Variants in PLEKHG1 observed in about 807,000 individuals in gnomAD.
PLEKHG1 encodes pleckstrin homology and RhoGEF domain containing G1, also known as pleckstrin homology domain-containing family G member 1.
PLEKHG1 carries 44 observed loss-of-function variants against 100.8 expected under a neutral mutation model. That is an observed-to-expected ratio of 0.44 (90% CI 0.34 to 0.56). The LOEUF (loss-of-function observed/expected upper bound fraction) is 0.56, where lower values mean the gene tolerates loss of function less well. PLEKHG1 is among the 20% of genes least tolerant of loss of function. The pLI, the probability that PLEKHG1 is intolerant of heterozygous loss-of-function variation, is 0.01. For missense variants in PLEKHG1, 1,545 were observed against 1,720.9 expected, an observed-to-expected ratio of 0.90 and a Z score of 1.81; for synonymous variants, 640 against 662.5, an observed-to-expected ratio of 0.97 and a Z score of 0.52.
chr6:150,807,261 G>A (rs1787177369), intron 7 of PLEKHG1, among the ~76,000 whole-genome samples: 1 of 152,194 alleles, frequency 6.6e-6, no homozygotes, highest in Non-Finnish European at 1.5e-5. Context: ...ACTATCCCCA[G>A]TTCCGGTAAT....
At chr6:150,704,876 G>A (rs1363230912) in intron 3 of PLEKHG1, among the ~76,000 whole-genome samples, 1 of 152,244 alleles carries the variant, frequency 6.6e-6, no homozygotes, top group African/African-American at 2.4e-5. Flanking sequence ...CCTTCTGGCT[G>A]TATTCTCACA....
At chr6:150,725,293 C>G (rs147619392) in intron 1 of PLEKHG1, among the ~76,000 whole-genome samples, 55 of 152,266 alleles carry the variant, frequency 3.6e-4, no homozygotes, top group African/African-American at 1.3e-3. Flanking sequence ...CAACAGCCCC[C>G]CCTCCTAATA....
intron 3 of PLEKHG1, among the ~76,000 whole-genome samples, chr6:150,690,467 T>C (rs1050456360): frequency 1.3e-5 from 2 of 152,194 alleles, no homozygotes; most frequent in Admixed American, 6.5e-5. Context: ...AAACGGAACA[T>C]AGAGGTTTAT....
At chr6:150,696,601 C>G (rs1780554348) in intron 3 of PLEKHG1, among the ~76,000 whole-genome samples, 1 of 152,112 alleles carries the variant, frequency 6.6e-6, no homozygotes, top group Non-Finnish European at 1.5e-5. Flanking sequence ...AACAGCAGCT[C>G]CATGCAAACT....
exon 13 of PLEKHG1, chr6:150,821,218 G>C: frequency 1.2e-6 from 2 of 1,612,626 alleles, no homozygotes; most frequent in Non-Finnish European, 1.7e-6. Flanking sequence ...GTCACATAAA[G>C]TTTTGAAGAC....
chr6:150,686,759 C>T (rs1364190214), intron 3 of PLEKHG1: 1 of 152,370 alleles, frequency 6.6e-6, no homozygotes, highest in Non-Finnish European at 1.5e-5. Context: ...GGAGGAACTG[C>T]CCGGACCTGT....
chr6:150,744,691 T>A (rs1046742693), intron 2 of PLEKHG1, among the ~76,000 whole-genome samples: 1 of 152,194 alleles, frequency 6.6e-6, no homozygotes, highest in African/African-American at 2.4e-5. Context: ...ATGATAATTA[T>A]GAATGTGGTG....
At chr6:150,696,596 C>G (rs1453319674) in intron 3 of PLEKHG1, among the ~76,000 whole-genome samples, 1 of 152,136 alleles carries the variant, frequency 6.6e-6, no homozygotes, top group Non-Finnish European at 1.5e-5. Flanking sequence ...ATAACAACAG[C>G]AGCTCCATGC....
At position 150,733,581 on chromosome 6, in the gene PLEKHG1, T is replaced by C. The variant is rs75508900; in HGVS notation, c.-98-3T>C. 61 of 1,606,574 alleles carry C rather than the reference T, an allele frequency of 3.8e-5. No individual in the cohort carries two copies. Among genetic ancestry groups the C allele is most frequent in the Non-Finnish European group, 5.1e-5 (60 of 1,176,430 alleles). Reference sequence around the variant, plus strand: ...TCCTTTTTATTTTCTTTAATGCATATAGATGGGCACCAGTTGCGTCTTGAA... The same window carrying C: ...TCCTTTTTATTTTCTTTAATGCATACAGATGGGCACCAGTTGCGTCTTGAA... On this transcript the variant is annotated splice_region_variant and splice_polypyrimidine_tract_variant and intron_variant, in intron 1 of 15. Coordinates refer to ENST00000358517, the Ensembl canonical transcript of PLEKHG1.
At chr6:150,776,468 A>T (rs113147805) in intron 3 of PLEKHG1, among the ~76,000 whole-genome samples, 4 of 130,472 alleles carry the variant, frequency 3.1e-5, no homozygotes, top group South Asian at 2.4e-4. Context: ...ACTCACACTG[A>T]TGCAATCCTG....
At chr6:150,650,053 T>A in intron 2 of PLEKHG1, among the ~76,000 whole-genome samples, 1 of 89,698 alleles carries the variant, frequency 1.1e-5, no homozygotes. Flanking sequence ...AGCAAAACTT[T>A]GTCTCAAAAA....
intron 1 of PLEKHG1, among the ~76,000 whole-genome samples, chr6:150,635,547 T>G (rs566061042): frequency 6.6e-6 from 1 of 152,358 alleles, no homozygotes; most frequent in East Asian, 1.9e-4. Flanking sequence ...TAGGACAATA[T>G]CTGAGCTTAC....
intron 2 of PLEKHG1, among the ~76,000 whole-genome samples, chr6:150,649,160 A>G (rs929848471): frequency 6.6e-6 from 1 of 152,168 alleles, no homozygotes; most frequent in African/African-American, 2.4e-5. Flanking sequence ...TTACAAATGA[A>G]ACTGCATTGT....
Position 150,793,932 on chromosome 6 carries a change from A to G in PLEKHG1, c.583-1924A>G, listed in dbSNP as rs374601205. Among the ~76,000 whole-genome samples, 21 of 152,210 alleles carry G rather than the reference A, an allele frequency of 1.4e-4. 1 individual carries two copies. In the East Asian group the frequency reaches 4.1e-3, roughly 29 times the overall value. On this transcript the variant is annotated intron_variant, in intron 4 of 15. Coordinates refer to ENST00000358517, the Ensembl canonical transcript of PLEKHG1. ...CCCCATCTCCACTAAAAATGCAAAAATTAGCCAGGCATGGTGACGCATGCC... is the reference window on the plus strand; with the variant it reads ...CCCCATCTCCACTAAAAATGCAAAAGTTAGCCAGGCATGGTGACGCATGCC...
intron 1 of PLEKHG1, among the ~76,000 whole-genome samples, chr6:150,629,237 C>G (rs1367839581): frequency 6.6e-6 from 1 of 152,162 alleles, no homozygotes; most frequent in Non-Finnish European, 1.5e-5. Flanking sequence ...CGAAGGGACT[C>G]TTTGACTCAT....
intron 3 of PLEKHG1, among the ~76,000 whole-genome samples, chr6:150,661,832 T>C (rs762401094): frequency 1.2e-4 from 19 of 152,334 alleles, no homozygotes; most frequent in South Asian, 6.2e-4. Flanking sequence ...AAGCACCTTA[T>C]GATTATGTAG....
intron 14 of PLEKHG1, 117 bp from the exon 16 acceptor site, chr6:150,830,465 A>G (rs1319452163): frequency 1.4e-6 from 1 of 733,174 alleles, no homozygotes; most frequent in Non-Finnish European, 2.2e-6. Context: ...TCAGAAAAAA[A>G]TAAAAGAATA....
upstream of PLEKHG1, chr6:150,721,071 T>C (rs1323874137): frequency 1.4e-5 from 12 of 833,018 alleles, no homozygotes; most frequent in African/African-American, 1.8e-5. Flanking sequence ...GTTTGGGAGA[T>C]AAAAGCTGAC....
intron 3 of PLEKHG1, among the ~76,000 whole-genome samples, chr6:150,689,567 A>G (rs1394627966): frequency 6.6e-6 from 1 of 152,236 alleles, no homozygotes; most frequent in Non-Finnish European, 1.5e-5. Context: ...TTTATGTTTC[A>G]GAAAACAGAT....
Sources: allele counts gnomAD v4.1 joint callset (sites outside exome capture counted in the v4.1 genomes callset), GRCh38; gene constraint gnomAD v4.1.1; transcripts MANE v1.5; gene names NCBI Gene and HGNC (gene_info 2026-07-23, HGNC 2026-07-21).